Variants in CSMD2 observed in about 807,000 individuals in gnomAD.
CSMD2 encodes the protein CUB and Sushi multiple domains 2.
CSMD2 carries 130 observed loss-of-function variants against 398.5 expected under a neutral mutation model. That is an observed-to-expected ratio of 0.33 (90% CI 0.28 to 0.38). CSMD2 has a LOEUF of 0.38. Ranked by LOEUF, CSMD2 falls within the 10% of genes least tolerant of loss-of-function variation. The probability of loss-of-function intolerance (pLI) is 1.00; values close to 1 mark genes in which losing one functional copy is unlikely to be tolerated. For synonymous variants in CSMD2, 1,828 were observed against 1,908.5 expected (o/e 0.96, Z 1.10); for missense variants, 3,829 against 4,764.9 (o/e 0.80, Z 5.78).
chr1:33,577,929 G>A (rs1638404722), intron 48 of CSMD2, among the ~76,000 whole-genome samples: 1 of 152,162 alleles, frequency 6.6e-6, no homozygotes, highest in Admixed American at 6.5e-5. Context: ...TCTGTAACTT[G>A]GGGCAAATCA....
intron 15 of CSMD2, among the ~76,000 whole-genome samples, chr1:33,736,262 A>T (rs1461932666): frequency 6.6e-6 from 1 of 152,204 alleles, no homozygotes; most frequent in African/African-American, 2.4e-5. Flanking sequence ...TGGGTGGATC[A>T]CGAGGTCAGG....
chr1:33,910,832 C>A (rs1643409790), intron 5 of CSMD2, among the ~76,000 whole-genome samples: 1 of 152,294 alleles, frequency 6.6e-6, no homozygotes, highest in Non-Finnish European at 1.5e-5. Flanking sequence ...ATACCTTGAT[C>A]CAGCACTGCC....
intron 6 of CSMD2, chr1:33,839,822 T>G (rs957712197): frequency 6.5e-6 from 1 of 152,902 alleles, no homozygotes; most frequent in Non-Finnish European, 1.5e-5. Flanking sequence ...AAAGTTAGTA[T>G]AGAAATAATT....
At chr1:34,126,808 A>T (rs1662786997) in intron 1 of CSMD2, among the ~76,000 whole-genome samples, 1 of 134,504 alleles carries the variant, frequency 7.4e-6, no homozygotes, top group Non-Finnish European at 1.6e-5. Context: ...GACATAGGGG[A>T]GAGAGAGAGA....
At position 33,635,937 on chromosome 1, in the gene CSMD2, AC is replaced by A. The variant is rs756598109; in HGVS notation, c.4969+422del. Among the ~76,000 whole-genome samples the A allele has an allele frequency of 5.9e-5, 9 of 151,716 alleles. No homozygotes were observed. The highest frequency in any genetic ancestry group is 1.0e-4 in the Non-Finnish European group (7 of 67,942). ...ACTCATTCCTATCTCTCTTGTCAGG[AC>A]CCCCATGGCTCACCCAGACCCACCT... On this transcript the variant is annotated intron_variant, in intron 30 of 70. Transcript: ENST00000373381. The surrounding 1 kb of genome is among the most constrained non-coding windows in gnomAD (Gnocchi z 5.0).
chr1:33,631,158 G>A (rs557280217), intron 32 of CSMD2, among the ~76,000 whole-genome samples: 8 of 152,058 alleles, frequency 5.3e-5, no homozygotes, highest in South Asian at 4.2e-4. Flanking sequence ...TGGTACAGCC[G>A]AGTAAAAAGG....
At position 33,546,060 on chromosome 1, in the gene CSMD2, C is replaced by G. The variant is rs747703087; in HGVS notation, c.9077G>C (p.Ser3026Thr). The G allele has an allele frequency of 1.9e-6, 3 of 1,613,808 alleles. No individual in the cohort carries two copies. Among genetic ancestry groups the G allele is most frequent in the Non-Finnish European group, 1.7e-6 (2 of 1,179,798 alleles). ...ACCTCCACACTCAGGCTGCGAGCCG[C>G]TCCACGAGCCATTGGCTTGACAGGT... ...ERTCQANGSW[S>T]GSQPECGVIS... Residue 3026 changes from serine to threonine, a missense_variant, in exon 57 of 71, where the codon AGC becomes ACC. Transcript: ENST00000373381.
rs189667241 is a variant in CSMD2 at position 33,761,338 on chromosome 1, C to G, written c.1846+11231G>C. On this transcript the variant is annotated intron_variant, in intron 13 of 70. Coordinates refer to ENST00000373381, the MANE Select transcript of CSMD2 (RefSeq NM_001281956.2). ...CTGCCTGCACCCAGCCCCCAGGATC[C>G]TATGAGTGATACTCGTAGCGTCCTA... Among the ~76,000 whole-genome samples the G allele has an allele frequency of 1.4e-3, 217 of 152,320 alleles. 1 individual carries two copies. Among genetic ancestry groups the G allele is most frequent in the Non-Finnish European group, 2.6e-3 (176 of 68,010 alleles).
At chr1:33,856,974 T>C (rs1401758162) in intron 5 of CSMD2, among the ~76,000 whole-genome samples, 1 of 151,998 alleles carries the variant, frequency 6.6e-6, no homozygotes, top group Non-Finnish European at 1.5e-5. Flanking sequence ...GGCCCTGCCA[T>C]ATCTCTGTAC....
intron 9 of CSMD2, among the ~76,000 whole-genome samples, chr1:33,814,824 G>T (rs12047802): frequency 0.11 from 17,344 of 152,106 alleles, 1,204 homozygotes; most frequent in East Asian, 0.27. Context: ...AGAATGACTT[G>T]GGTCTCAATG....
intron 15 of CSMD2, among the ~76,000 whole-genome samples, chr1:33,732,081 G>A (rs542524878): frequency 2.0e-5 from 3 of 152,116 alleles, no homozygotes; most frequent in Admixed American, 2.0e-4. Context: ...ACAAGGTGAA[G>A]GCAAAAACAG....
chr1:33,521,931 G>A (rs1402285401), intron 67 of CSMD2, among the ~76,000 whole-genome samples: 3 of 152,206 alleles, frequency 2.0e-5, no homozygotes, highest in Admixed American at 1.3e-4. Context: ...TTACATGCAT[G>A]GTAGCTGTTA....
At chr1:33,918,338 C>T (rs1643832081) in intron 4 of CSMD2, 37 bp from the exon 5 acceptor site, 1 of 1,592,800 alleles carries the variant, frequency 6.3e-7, no homozygotes, top group Non-Finnish European at 8.6e-7. Context: ...CATGAGTAGT[C>T]TGGTTTTCAA....
chr1:33,671,277 G>A (rs1195368505), intron 25 of CSMD2, among the ~76,000 whole-genome samples: 1 of 152,190 alleles, frequency 6.6e-6, no homozygotes, highest in African/African-American at 2.4e-5. Context: ...GGGCTTTTGA[G>A]TTGGTCTCAT....
chr1:33,872,743 G>T (rs566573065), intron 5 of CSMD2, among the ~76,000 whole-genome samples: 1 of 152,106 alleles, frequency 6.6e-6, no homozygotes, highest in Non-Finnish European at 1.5e-5. Flanking sequence ...GAGGCCATTG[G>T]ACCCCTAAAA....
intron 2 of CSMD2, among the ~76,000 whole-genome samples, chr1:34,065,237 G>A (rs554218327): frequency 5.5e-4 from 83 of 152,172 alleles, no homozygotes; most frequent in Admixed American, 4.3e-3. Context: ...TCTCTCCCAT[G>A]TCCAGCTCTG....
At chr1:33,607,489 G>A (rs927113719) in intron 41 of CSMD2, among the ~76,000 whole-genome samples, 3 of 152,164 alleles carry the variant, frequency 2.0e-5, no homozygotes, top group South Asian at 2.1e-4. Flanking sequence ...GCTTGCTTAC[G>A]AGGTGCCGCT....
chr1:33,972,795 T>C (rs1404548637), intron 3 of CSMD2, among the ~76,000 whole-genome samples: 1 of 152,198 alleles, frequency 6.6e-6, no homozygotes, highest in Non-Finnish European at 1.5e-5. Context: ...TAAACCATCA[T>C]GCTTGTAGAG....
chr1:33,748,395 T>C (rs1647690900), intron 13 of CSMD2, among the ~76,000 whole-genome samples: 1 of 152,302 alleles, frequency 6.6e-6, no homozygotes, highest in Middle Eastern at 3.4e-3. Flanking sequence ...CAGACTGTGC[T>C]CATGGATCTT....
Sources: allele counts gnomAD v4.1 joint callset (sites outside exome capture counted in the v4.1 genomes callset), GRCh38; gene constraint gnomAD v4.1.1; non-coding constraint Gnocchi (gnomAD v3.1); transcripts MANE v1.5; gene names NCBI Gene and HGNC (gene_info 2026-07-23, HGNC 2026-07-21).